TRIM33: variants seen among roughly 807,000 people sequenced by gnomAD.
TRIM33 encodes E3 ubiquitin-protein ligase TRIM33.
TRIM33 carries 20 observed loss-of-function variants against 125.4 expected under a neutral mutation model. The ratio of observed to expected loss-of-function variants is 0.16; its 90% confidence interval spans 0.11 to 0.23. The LOEUF is 0.23. Among genes scored for constraint, TRIM33 ranks in the 10% least tolerant of loss-of-function variants. The pLI is 1.00. For synonymous variants in TRIM33, 564 were observed against 513.9 expected, an observed-to-expected ratio of 1.10 and a Z score of -1.32; for missense variants, 920 against 1,411.4, an observed-to-expected ratio of 0.65 and a Z score of 5.58.
At chr1:114,441,898 T>C (rs1235604368) in intron 4 of TRIM33, among the ~76,000 whole-genome samples, 1 of 152,230 alleles carries the variant, frequency 6.6e-6, no homozygotes, top group African/African-American at 2.4e-5. Flanking sequence ...ATTGAACCTA[T>C]GGGCTCTTCA....
intron 10 of TRIM33, 100 bp downstream of exon 10, chr1:114,424,491 C>A: frequency 1.9e-6 from 2 of 1,070,140 alleles, no homozygotes; most frequent in Non-Finnish European, 2.6e-6. Flanking sequence ...TAATCAAATT[C>A]TCAAACACAT....
intron 1 of TRIM33, among the ~76,000 whole-genome samples, chr1:114,466,923 A>G (rs1650338743): frequency 6.6e-6 from 1 of 152,220 alleles, no homozygotes; most frequent in African/African-American, 2.4e-5. Flanking sequence ...CAAGAAGTTT[A>G]TATGTATAAG....
At chr1:114,500,407 T>C (rs112844040) in intron 1 of TRIM33, among the ~76,000 whole-genome samples, 2 of 151,992 alleles carry the variant, frequency 1.3e-5, no homozygotes, top group Non-Finnish European at 2.9e-5. Flanking sequence ...AGTGCAATCA[T>C]AGCACATTAC....
intron 1 of TRIM33, among the ~76,000 whole-genome samples, chr1:114,509,282 C>A (rs1006335988): frequency 6.6e-6 from 1 of 152,122 alleles, no homozygotes; most frequent in Non-Finnish European, 1.5e-5. Context: ...CCTACAGTCC[C>A]GAAATTCAAA....
At chr1:114,498,950 A>C (rs570481308) in intron 1 of TRIM33, among the ~76,000 whole-genome samples, 1 of 152,346 alleles carries the variant, frequency 6.6e-6, no homozygotes, top group South Asian at 2.1e-4. Context: ...CTATATTTCA[A>C]AACAACTGAT....
chr1:114,464,207 T>C, intron 2 of TRIM33, 63 bp downstream of exon 2: 1 of 852,810 alleles, frequency 1.2e-6, no homozygotes, highest in Non-Finnish European at 1.8e-6. Flanking sequence ...TCCAAACATG[T>C]TTTTCTTATA....
intron 12 of TRIM33, among the ~76,000 whole-genome samples, chr1:114,409,186 G>C (rs1652426582): frequency 6.6e-6 from 1 of 152,038 alleles, no homozygotes; most frequent in Non-Finnish European, 1.5e-5. Flanking sequence ...AGTAGGTGGT[G>C]TGTTTCAGTA....
rs866920087 is a variant in TRIM33, at chr1:114,408,741, C to A, written c.2195-1G>T. ...ACAGGTGTGTGAGAATTGGATAAAC[C>A]TAAAAAGTAGTAAGTCAAAATGAAT... On this transcript the variant is annotated splice_acceptor_variant, in intron 12 of 19. Transcript: ENST00000358465. LOFTEE classifies it high-confidence loss of function. 1.3e-6 allele frequency: 2 copies of A among 1,593,874 alleles called. No individual in the cohort carries two copies. Among genetic ancestry groups the A allele is most frequent in the Non-Finnish European group, 8.6e-7 (1 of 1,167,536 alleles).
chr1:114,428,087 A>G (rs1393741479), intron 6 of TRIM33, among the ~76,000 whole-genome samples, 193 bp from the exon 7 acceptor site: 4 of 152,236 alleles, frequency 2.6e-5, no homozygotes, highest in East Asian at 3.8e-4. Flanking sequence ...TCAGTTCTCT[A>G]AGCTAAAAAG....
At chr1:114,421,389 T>A in intron 11 of TRIM33, 47 bp downstream of exon 11, 1 of 1,519,216 alleles carries the variant, frequency 6.6e-7, no homozygotes, top group Non-Finnish European at 9.1e-7. Context: ...TCTAACTCTG[T>A]AATTAACATT....
intron 1 of TRIM33, among the ~76,000 whole-genome samples, chr1:114,475,572 A>G (rs1308397206): frequency 3.9e-5 from 6 of 152,108 alleles, no homozygotes; most frequent in Non-Finnish European, 8.8e-5. Flanking sequence ...AGTCCCAGCT[A>G]CTCGGGAGGC....
chr1:114,480,656 A>G (rs1400350159), intron 1 of TRIM33, among the ~76,000 whole-genome samples: 1 of 152,132 alleles, frequency 6.6e-6, no homozygotes, highest in Non-Finnish European at 1.5e-5. Context: ...AACAAAAATG[A>G]CACACGGAAA....
Position 114,393,145 on chromosome 1 carries a change from A to C in TRIM33, c.*4503T>G, listed in dbSNP as rs988461384. On this transcript the variant is annotated 3_prime_UTR_variant, in exon 20 of 20. Transcript: ENST00000358465. ...TAGTAATAATAATAATGAGGGGAGG[A>C]GACCAATTGAAATACTGGAAGCAAG... 7 of 213,892 alleles carry C rather than the reference A, an allele frequency of 3.3e-5. No homozygotes were observed. The highest frequency in any genetic ancestry group is 6.8e-5 in the African/African-American group (3 of 44,288). 13.2% of individuals were successfully genotyped at this position (213,892 alleles called of 1,614,324 possible).
rs879778293 is a variant in TRIM33, at chr1:114,510,820, C to T, written c.257G>A (p.Gly86Asp). 10 of 1,518,744 alleles carry T rather than the reference C, an allele frequency of 6.6e-6. No individual in the cohort carries two copies. The Admixed American group carries it at 1.0e-4, about 15-fold the overall frequency. 94.1% of individuals were successfully genotyped at this position (1,518,744 alleles called of 1,614,324 possible). ...QAASSPAASV[G>D]TGVAGGAVST... is the part of the protein sequence containing the mutation. ...TACTGCGCCCCCGGCAACTCCAGTG[C>T]CCACTGAGGCCGCAGGAGATGAAGC... Residue 86 changes from glycine to aspartate, a missense_variant, in exon 1 of 20, where the codon GGC (glycine) becomes GAC (aspartate). By Grantham distance (94) the Gly-to-Asp change is moderately conservative (BLOSUM62 -1). Coordinates refer to ENST00000358465, the MANE Select transcript of TRIM33 (RefSeq NM_015906.4).
chr1:114,397,605 T>TTTG lies in TRIM33; in HGVS notation c.*42_*43insCAA. 3 of 1,114,620 alleles carry TTTG rather than the reference T, an allele frequency of 2.7e-6. No individual in the cohort carries two copies. The highest frequency in any genetic ancestry group is 3.8e-6 in the Non-Finnish European group (3 of 782,166). The allele number at this position is 1,114,620 out of a possible 1,614,324, so 69.0% of individuals were successfully genotyped here. On this transcript the variant is annotated 3_prime_UTR_variant, in exon 20 of 20. Transcript: ENST00000358465. ...GTTTTTTGTGTTTTTTTTTTTTTTTTCGTTTTTTTTTTTTTAAACAATTGA... is the reference window on the plus strand; with the variant it reads ...GTTTTTTGTGTTTTTTTTTTTTTTTTTTGCGTTTTTTTTTTTTTAAACAATTGA...
intron 11 of TRIM33, among the ~76,000 whole-genome samples, chr1:114,413,385 C>A (rs1373846858): frequency 6.6e-6 from 1 of 151,418 alleles, no homozygotes; most frequent in Non-Finnish European, 1.5e-5. Context: ...ATGAAGAAAC[C>A]CCGTCTCTAT....
chr1:114,454,693 T>TA (rs1325495524), intron 4 of TRIM33, among the ~76,000 whole-genome samples: 2 of 149,824 alleles, frequency 1.3e-5, no homozygotes, highest in Non-Finnish European at 3.0e-5. Flanking sequence ...AAAAAAAAGT[T>TA]AATGAAACAA....
chr1:114,407,320 AT>A lies in TRIM33; in HGVS notation c.2259-221del, dbSNP rs149802365. ...AACTTTCAGAAGACCCTAAAAACAC[AT>A]TTTATGGTTTGAAGCACTTTCTTCA... On this transcript the variant is annotated intron_variant, in intron 13 of 19. Coordinates refer to ENST00000358465, the MANE Select transcript of TRIM33 (RefSeq NM_015906.4). Among the ~76,000 whole-genome samples the A allele has an allele frequency of 5.2e-3, 789 of 152,232 alleles. 8 individuals are homozygous for A. The highest frequency in any genetic ancestry group is 0.019 in the African/African-American group (769 of 41,548).
At chr1:114,469,478 T>C (rs1283677645) in intron 1 of TRIM33, among the ~76,000 whole-genome samples, 1 of 152,214 alleles carries the variant, frequency 6.6e-6, no homozygotes, top group Non-Finnish European at 1.5e-5. Context: ...GCCTCTTCTC[T>C]CTCTGTCAGA....
Sources: allele counts gnomAD v4.1 joint callset (sites outside exome capture counted in the v4.1 genomes callset), GRCh38; gene constraint gnomAD v4.1.1; transcripts MANE v1.5; gene names NCBI Gene and HGNC (gene_info 2026-07-23, HGNC 2026-07-21).